The following PTPRG variants were observed in gnomAD, a reference collection of about 807,000 sequenced individuals.
PTPRG encodes protein tyrosine phosphatase receptor type G.
In PTPRG, 102 loss-of-function variants were observed where a neutral mutation model predicts 165.3. The ratio of observed to expected loss-of-function variants is 0.62; its 90% CI spans 0.53 to 0.73. The LOEUF (loss-of-function observed/expected upper bound fraction) is 0.73. Among genes scored for constraint, PTPRG ranks in the 30% least tolerant of loss-of-function variants. The pLI, the probability that PTPRG is intolerant of heterozygous loss-of-function variation, is 0.00. For synonymous variants in PTPRG, 675 were observed against 669.5 expected (o/e 1.01, Z -0.13); for missense variants, 1,866 against 1,861.4 (o/e 1.00, Z -0.05).
intron 3 of PTPRG, among the ~76,000 whole-genome samples, chr3:61,995,754 T>TCC (rs2041026467): frequency 7.0e-6 from 1 of 143,008 alleles, no homozygotes; most frequent in African/African-American, 2.6e-5. Context: ...CTTCCCTCCC[T>TCC]CTCTCCCTCC....
intron 1 of PTPRG, among the ~76,000 whole-genome samples, chr3:61,660,079 G>GCT (rs1160084126): frequency 1.3e-5 from 2 of 152,096 alleles, no homozygotes; most frequent in Non-Finnish European, 2.9e-5. Context: ...ACAAAAATTA[G>GCT]CTGGGCCTGG....
At chr3:61,668,405 T>A (rs1444474019) in intron 1 of PTPRG, among the ~76,000 whole-genome samples, 4 of 152,184 alleles carry the variant, frequency 2.6e-5, no homozygotes, top group African/African-American at 4.8e-5. Flanking sequence ...AGCCCGGCTT[T>A]AACTCTGCAA....
At chr3:61,993,264 C>G (rs982121963) in intron 3 of PTPRG, among the ~76,000 whole-genome samples, 1 of 151,504 alleles carries the variant, frequency 6.6e-6, no homozygotes, top group African/African-American at 2.4e-5. Flanking sequence ...GTTGCCCAGG[C>G]TGGAGTGCAA....
At chr3:62,139,546 T>C (rs370910263) in intron 6 of PTPRG, among the ~76,000 whole-genome samples, 2 of 152,192 alleles carry the variant, frequency 1.3e-5, no homozygotes, top group African/African-American at 4.8e-5. Context: ...GGCTGCTCTC[T>C]CTCGGTCTTC....
intron 2 of PTPRG, among the ~76,000 whole-genome samples, chr3:61,767,329 ACT>A (rs1298587296): frequency 6.9e-6 from 1 of 145,104 alleles, no homozygotes; most frequent in Non-Finnish European, 1.5e-5. Flanking sequence ...ATTTTCTTTT[ACT>A]CTCATTTTGT....
intron 7 of PTPRG, among the ~76,000 whole-genome samples, chr3:62,158,479 G>A (rs887177274): frequency 2.0e-5 from 3 of 152,100 alleles, no homozygotes; most frequent in Admixed American, 2.0e-4. Flanking sequence ...GACCTTCTGG[G>A]TCTTATGTCA....
At chr3:61,899,174 G>A (rs1015324595) in intron 2 of PTPRG, among the ~76,000 whole-genome samples, 7 of 152,182 alleles carry the variant, frequency 4.6e-5, no homozygotes, top group African/African-American at 1.4e-4. Flanking sequence ...TCTCTGGGTG[G>A]GTTAAATGAA....
At chr3:61,889,292 G>A (rs758635360) in intron 2 of PTPRG, among the ~76,000 whole-genome samples, 25 of 152,012 alleles carry the variant, frequency 1.6e-4, no homozygotes, top group Admixed American at 3.9e-4. Context: ...TTATTTATTC[G>A]TTTGACTTTA....
chr3:62,116,626 TAAGG>T (rs1330654425), intron 5 of PTPRG, among the ~76,000 whole-genome samples: 3 of 152,174 alleles, frequency 2.0e-5, no homozygotes, highest in Non-Finnish European at 4.4e-5. Flanking sequence ...TGGAGGGTCT[TAAGG>T]AAGCCTTCTA....
chr3:61,779,148 G>C (rs1243707808), intron 2 of PTPRG, among the ~76,000 whole-genome samples: 1 of 152,196 alleles, frequency 6.6e-6, no homozygotes, highest in Non-Finnish European at 1.5e-5. Context: ...CTCATGGTCA[G>C]TCATGTTGCT....
chr3:61,615,841 G>A (rs1405694875), intron 1 of PTPRG, among the ~76,000 whole-genome samples: 1 of 152,194 alleles, frequency 6.6e-6, no homozygotes, highest in Non-Finnish European at 1.5e-5. Flanking sequence ...AGAACAAGAA[G>A]TTCCAGGTTC....
At chr3:62,045,959 G>A (rs1700275645) in intron 4 of PTPRG, among the ~76,000 whole-genome samples, 3 of 152,184 alleles carry the variant, frequency 2.0e-5, no homozygotes, top group Admixed American at 2.0e-4. Context: ...CTCCAGCAGG[G>A]GCATCATGAT....
chr3:62,138,803 C>T (rs553827293), intron 6 of PTPRG, among the ~76,000 whole-genome samples: 3 of 150,450 alleles, frequency 2.0e-5, no homozygotes, highest in Admixed American at 6.6e-5. Flanking sequence ...AGTATGTGTG[C>T]GTTATGTCCT....
At chr3:61,672,641 G>C (rs1230797655) in intron 1 of PTPRG, among the ~76,000 whole-genome samples, 1 of 151,194 alleles carries the variant, frequency 6.6e-6, no homozygotes, top group Middle Eastern at 3.4e-3. Flanking sequence ...ATCAGGCAGG[G>C]AGGTTGCAGT....
Position 62,194,339 on chromosome 3 carries a change from A to G in PTPRG, c.1219-723A>G, listed in dbSNP as rs538300852. 4.6e-5 allele frequency among the ~76,000 whole-genome samples: 7 copies of G among 152,304 alleles called. No homozygotes were observed. In the East Asian group the frequency reaches 1.4e-3, roughly 29 times the overall value. The stretch of plus-strand genomic sequence containing the variant: ...TGTTATGTAATTCTCACAAGTACCT[A>G]TGAAGTAGCTCTTCCTCTCCCCATT... On this transcript the variant is annotated intron_variant, in intron 9 of 29. Coordinates refer to ENST00000474889, the MANE Select transcript of PTPRG (RefSeq NM_002841.4).
At chr3:61,681,927 A>G (rs1267497655) in intron 1 of PTPRG, among the ~76,000 whole-genome samples, 1 of 152,154 alleles carries the variant, frequency 6.6e-6, no homozygotes. Flanking sequence ...AAGCTGGTGG[A>G]TCACTTAAGG....
chr3:61,928,314 A>T (rs1055897681), intron 2 of PTPRG, among the ~76,000 whole-genome samples: 1 of 152,178 alleles, frequency 6.6e-6, no homozygotes, highest in African/African-American at 2.4e-5. Flanking sequence ...GCGACCCCAT[A>T]TTTGTTAACC....
chr3:61,639,595 T>A (rs1015748105), intron 1 of PTPRG, among the ~76,000 whole-genome samples: 7 of 152,082 alleles, frequency 4.6e-5, no homozygotes, highest in African/African-American at 1.7e-4. Flanking sequence ...TTCAGCAGTA[T>A]TTCGTACTTC....
chr3:62,047,556 C>T (rs1336603547), intron 4 of PTPRG, among the ~76,000 whole-genome samples: 1 of 152,190 alleles, frequency 6.6e-6, no homozygotes, highest in Non-Finnish European at 1.5e-5. Flanking sequence ...GCCACCATGC[C>T]CAGCCCCAGC....
Sources: gnomAD v4.1 joint callset for allele counts (sites outside exome capture counted in the v4.1 genomes callset) on GRCh38, gnomAD v4.1.1 for gene constraint, MANE v1.5 for transcripts, NCBI Gene and HGNC (gene_info 2026-07-23, HGNC 2026-07-21) for gene names.